Variants in KCND3 observed in about 807,000 individuals in gnomAD.
The protein encoded by KCND3 is A-type voltage-gated potassium channel KCND3.
In KCND3, 9 loss-of-function variants were observed where a neutral mutation model predicts 51.1. The ratio of observed to expected loss-of-function variants is 0.18; its 90% confidence interval spans 0.11 to 0.31. The LOEUF (loss-of-function observed/expected upper bound fraction) is 0.31, where lower values mean the gene tolerates loss of function less well. Ranked by LOEUF, KCND3 falls within the 10% of genes least tolerant of loss-of-function variation. KCND3 has a pLI of 1.00. For missense variants in KCND3, 526 were observed against 903.8 expected (o/e 0.58, Z 5.36); for synonymous variants, 349 against 368.0 (o/e 0.95, Z 0.59).
intron 2 of KCND3, among the ~76,000 whole-genome samples, chr1:111,808,503 G>T (rs372657395): frequency 3.3e-5 from 5 of 152,214 alleles, no homozygotes; most frequent in Non-Finnish European, 7.3e-5. Context: ...GTATTGCTCC[G>T]AGGAAAAGGA....
chr1:111,902,155 G>T (rs762944341), intron 2 of KCND3, among the ~76,000 whole-genome samples: 1 of 152,232 alleles, frequency 6.6e-6, no homozygotes, highest in Non-Finnish European at 1.5e-5. Flanking sequence ...TCCGAGATAG[G>T]AACGGGGCTC....
At chr1:111,931,655 A>T (rs1671976897) in intron 2 of KCND3, among the ~76,000 whole-genome samples, 2 of 152,318 alleles carry the variant, frequency 1.3e-5, no homozygotes, top group African/African-American at 4.8e-5. Flanking sequence ...CATAGCCATT[A>T]TGGGGAGCTT....
chr1:111,897,169 G>A (rs1230702379), intron 2 of KCND3, among the ~76,000 whole-genome samples: 4 of 152,212 alleles, frequency 2.6e-5, no homozygotes, highest in African/African-American at 9.7e-5. Context: ...TGAACTGCAG[G>A]ACTTTCCTAA....
At chr1:111,859,496 A>G (rs889566386) in intron 2 of KCND3, among the ~76,000 whole-genome samples, 1 of 152,258 alleles carries the variant, frequency 6.6e-6, no homozygotes, top group African/African-American at 2.4e-5. Flanking sequence ...ACCGGGGCCC[A>G]GAAGGCAAAA....
At chr1:111,988,415 CCT>C (rs1409743967) in intron 1 of KCND3, among the ~76,000 whole-genome samples, 2 of 152,180 alleles carry the variant, frequency 1.3e-5, no homozygotes, top group Non-Finnish European at 2.9e-5. Context: ...AAGCTACTAA[CCT>C]CTTTCTCTGG....
intron 2 of KCND3, among the ~76,000 whole-genome samples, chr1:111,908,059 G>A (rs944011401): frequency 3.3e-5 from 5 of 152,156 alleles, no homozygotes; most frequent in African/African-American, 1.2e-4. Flanking sequence ...TCCCAATGCC[G>A]ACATAACAGC....
chr1:111,816,480 A>G (rs959310132), intron 2 of KCND3, among the ~76,000 whole-genome samples: 2 of 152,358 alleles, frequency 1.3e-5, no homozygotes, highest in Admixed American at 1.3e-4. Context: ...TTTCCTAGTG[A>G]CTGGAGAACA....
chr1:111,805,227 A>G (rs868696990), intron 2 of KCND3, among the ~76,000 whole-genome samples: 13 of 109,732 alleles, frequency 1.2e-4, no homozygotes, highest in African/African-American at 4.6e-4. Flanking sequence ...CAACAGGGGG[A>G]AAAAAAAAGG....
At chr1:111,795,928 A>C (rs1273544373) in intron 2 of KCND3, among the ~76,000 whole-genome samples, 2 of 152,200 alleles carry the variant, frequency 1.3e-5, no homozygotes, top group Non-Finnish European at 2.9e-5. Flanking sequence ...TATATTTCTC[A>C]AATGATCAAT....
chr1:111,987,126 C>T (rs1204449495), intron 1 of KCND3, among the ~76,000 whole-genome samples: 1 of 152,088 alleles, frequency 6.6e-6, no homozygotes, highest in Non-Finnish European at 1.5e-5. Context: ...AAGGGTGATG[C>T]CCTTCCCCTT....
intron 2 of KCND3, among the ~76,000 whole-genome samples, chr1:111,924,819 G>T (rs1671628072): frequency 6.6e-6 from 1 of 152,202 alleles, no homozygotes; most frequent in African/African-American, 2.4e-5. Context: ...TTCTGGCTAT[G>T]ACCCTGAGAG....
chr1:111,825,087 A>C (rs773234449), intron 2 of KCND3, among the ~76,000 whole-genome samples: 7 of 152,258 alleles, frequency 4.6e-5, no homozygotes, highest in Non-Finnish European at 8.8e-5. Context: ...AAAGATTGAA[A>C]GAAAATTCAA....
At position 111,845,633 on chromosome 1, in the gene KCND3, G is replaced by A. The variant is rs78082993; in HGVS notation, c.1107-58527C>T. 9.4e-3 allele frequency among the ~76,000 whole-genome samples: 1,427 copies of A among 152,162 alleles called. 29 individuals are homozygous for A. The highest frequency in any genetic ancestry group is 0.032 in the African/African-American group (1,348 of 41,510). On this transcript the variant is annotated intron_variant, in intron 2 of 7. Coordinates refer to ENST00000302127, the MANE Select transcript of KCND3 (RefSeq NM_001378969.1). ...TCCCTGACTTGTTGCTGTGAGCCAC[G>A]TGTGGTTCCAATTGTCTTATATTAA...
chr1:111,919,574 G>A (rs183312846), intron 2 of KCND3, among the ~76,000 whole-genome samples: 12 of 152,258 alleles, frequency 7.9e-5, no homozygotes, highest in East Asian at 3.9e-4. Flanking sequence ...GGGTCTCATC[G>A]GATAAGGTCT....
intron 2 of KCND3, among the ~76,000 whole-genome samples, chr1:111,946,949 G>T (rs1043719240): frequency 6.6e-6 from 1 of 152,104 alleles, no homozygotes; most frequent in Non-Finnish European, 1.5e-5. Context: ...GCTCTCTTTT[G>T]GTTCCTATTT....
intron 2 of KCND3, among the ~76,000 whole-genome samples, chr1:111,951,684 G>A (rs930683592): frequency 6.6e-6 from 1 of 152,226 alleles, no homozygotes; most frequent in Non-Finnish European, 1.5e-5. Flanking sequence ...CTACAGTAAG[G>A]AGGGACAGAC....
Position 111,780,611 on chromosome 1 carries a change from A to C in KCND3, c.1371+79T>G. ...GGGTTCATACTGGGGCTCTGGTGAG[A>C]GTGCTGGTGTCCCGGGAAAGAGAAA... On this transcript the variant is annotated intron_variant, in intron 4 of 7. Transcript: ENST00000302127. The surrounding 1 kb of genome is among the most constrained non-coding windows in gnomAD (Gnocchi z 4.2). The C allele has an allele frequency of 8.1e-7, 1 of 1,235,326 alleles. No individual in the cohort carries two copies. Among genetic ancestry groups the C allele is most frequent in the Non-Finnish European group, 1.2e-6 (1 of 858,044 alleles). 76.5% of individuals were successfully genotyped at this position (1,235,326 alleles called of 1,614,324 possible).
At chr1:111,879,106 C>G (rs1409073592) in intron 2 of KCND3, among the ~76,000 whole-genome samples, 1 of 152,200 alleles carries the variant, frequency 6.6e-6, no homozygotes, top group East Asian at 1.9e-4. Flanking sequence ...CTGCTGGCTT[C>G]TGTACTGGAA....
At chr1:111,945,416 G>A (rs1010054347) in intron 2 of KCND3, among the ~76,000 whole-genome samples, 1 of 152,194 alleles carries the variant, frequency 6.6e-6, no homozygotes, top group Non-Finnish European at 1.5e-5. Flanking sequence ...CACTAACGGA[G>A]CACTGCCAGT....
Sources: gnomAD v4.1 joint callset for allele counts (sites outside exome capture counted in the v4.1 genomes callset) on GRCh38, gnomAD v4.1.1 for gene constraint, Gnocchi (gnomAD v3.1) non-coding constraint, MANE v1.5 for transcripts, NCBI Gene and HGNC (gene_info 2026-07-23, HGNC 2026-07-21) for gene names.